Variants in HLF observed in about 807,000 individuals in gnomAD.
The protein encoded by HLF is HLF transcription factor, PAR bZIP family member, also known as hepatic leukemia factor.
In HLF, 3 loss-of-function variants were observed where a neutral mutation model predicts 22.6. The ratio of observed to expected loss-of-function variants is 0.13; its 90% CI spans 0.06 to 0.34. The LOEUF is 0.34. Among genes scored for constraint, HLF ranks in the 10% least tolerant of loss-of-function variants. The pLI, the probability that HLF is intolerant of heterozygous loss-of-function variation, is 1.00. For synonymous variants in HLF, 151 were observed against 151.8 expected (o/e 0.99, Z 0.04); for missense variants, 299 against 389.2 (o/e 0.77, Z 1.95).
intron 2 of HLF, among the ~76,000 whole-genome samples, chr17:55,291,198 G>A (rs529936398): frequency 6.6e-6 from 1 of 152,304 alleles, no homozygotes; most frequent in African/African-American, 2.4e-5. Flanking sequence ...ATTGATGAAG[G>A]TGGCTATACT....
rs1454929798 is a variant in HLF at position 55,321,365 on chromosome 17, A to T, written c.*486A>T. 2 of 239,392 alleles carry T rather than the reference A, an allele frequency of 8.4e-6. No individual in the cohort carries two copies. Among genetic ancestry groups the T allele is most frequent in the Non-Finnish European group, 1.6e-5 (2 of 121,300 alleles). 14.8% of individuals were successfully genotyped at this position (239,392 alleles called of 1,614,324 possible). On this transcript the variant is annotated 3_prime_UTR_variant, in exon 4 of 4. Transcript: ENST00000226067. ...GTTTAGTCCGTAAGTTACCATGCTA[A>T]TGAGGTGCACACAATAACTTAGCAC...
At chr17:55,312,920 GA>G (rs1460792757) in intron 2 of HLF, among the ~76,000 whole-genome samples, 2 of 152,008 alleles carry the variant, frequency 1.3e-5, no homozygotes, top group Admixed American at 1.3e-4. Flanking sequence ...GAAATGAAAG[GA>G]AAAAATGAGT....
rs1905419632 is a variant in HLF at position 55,325,105 on chromosome 17, T to G, written c.*4226T>G. On this transcript the variant is annotated 3_prime_UTR_variant, in exon 4 of 4. Transcript: ENST00000226067. ...ATTAACAGTTGGCTAGCAATGGTAT[T>G]CTGTTCCCACCTCGGTAGCAAAGAG... The G allele has an allele frequency of 5.2e-6, 1 of 194,130 alleles. No homozygotes were observed. Among genetic ancestry groups the G allele is most frequent in the Non-Finnish European group, 1.1e-5 (1 of 92,950 alleles). 12.0% of individuals were successfully genotyped at this position (194,130 alleles called of 1,614,324 possible). A position where few individuals can be genotyped will look rare whatever the true frequency, so the allele number is the denominator to read the frequency against.
chr17:55,308,712 CT>C (rs1904693456), intron 2 of HLF, among the ~76,000 whole-genome samples: 2 of 152,212 alleles, frequency 1.3e-5, no homozygotes, highest in Non-Finnish European at 2.9e-5. Flanking sequence ...TGTAAACACT[CT>C]CCCCCTATGC....
At chr17:55,293,803 G>A (rs1284074186) in intron 2 of HLF, among the ~76,000 whole-genome samples, 2 of 152,150 alleles carry the variant, frequency 1.3e-5, no homozygotes, top group Non-Finnish European at 2.9e-5. Flanking sequence ...GTGGAAGGTA[G>A]TAGAATGTCT....
intron 2 of HLF, among the ~76,000 whole-genome samples, chr17:55,270,785 C>T (rs541005411): frequency 2.6e-4 from 40 of 151,974 alleles, no homozygotes; most frequent in African/African-American, 6.8e-4. Flanking sequence ...CTCAGCCTCC[C>T]GTGTAGCGCC....
At position 55,268,057 on chromosome 17, in the gene HLF, C is replaced by T. The variant is rs776917251; in HGVS notation, c.422C>T (p.Pro141Leu). The T allele has an allele frequency of 3.1e-6, 5 of 1,589,350 alleles. No individual in the cohort carries two copies. Among genetic ancestry groups the T allele is most frequent in the Non-Finnish European group, 4.3e-6 (5 of 1,168,086 alleles). The change falls in exon 2 of 4, where the codon CCG (proline) becomes CTG (leucine). Residue 141 changes from proline to leucine, a missense_variant. Around this residue, in one of 3 missense-constraint regions of HLF, gnomAD observed 224 missense variants for 298.1 expected, o/e 0.75. Transcript: ENST00000226067. ...SAPLHPGIPS[P>L]NCMQSPIRPG... Reference sequence around the variant, plus strand: ...CCCCTTCACCCTGGCATCCCATCTCCGAACTGTATGCAGAGCCCCATCAGA... The same window carrying T: ...CCCCTTCACCCTGGCATCCCATCTCTGAACTGTATGCAGAGCCCCATCAGA...
chr17:55,308,342 T>C (rs577249368), intron 2 of HLF, among the ~76,000 whole-genome samples: 1 of 152,382 alleles, frequency 6.6e-6, no homozygotes, highest in South Asian at 2.1e-4. Flanking sequence ...TATGTGTTTA[T>C]ATAGAGACCA....
chr17:55,318,228 C>T (rs1332014000), intron 3 of HLF, among the ~76,000 whole-genome samples: 2 of 152,164 alleles, frequency 1.3e-5, no homozygotes, highest in Non-Finnish European at 2.9e-5. Flanking sequence ...CCGCTTCCCC[C>T]CTGCCCGCAA....
intron 2 of HLF, among the ~76,000 whole-genome samples, chr17:55,308,701 G>A (rs1425054611): frequency 1.3e-5 from 2 of 152,126 alleles, no homozygotes; most frequent in Admixed American, 1.3e-4. Flanking sequence ...GTTATTGTGG[G>A]TGTAAACACT....
chr17:55,272,068 G>A (rs542190577), intron 2 of HLF: 2 of 152,228 alleles, frequency 1.3e-5, no homozygotes, highest in African/African-American at 4.8e-5. Flanking sequence ...GGTTCTTGGA[G>A]GCCAGAGCTA....
At chr17:55,277,225 A>C (rs2080911249) in intron 2 of HLF, among the ~76,000 whole-genome samples, 1 of 129,580 alleles carries the variant, frequency 7.7e-6, no homozygotes, top group African/African-American at 3.0e-5. Flanking sequence ...AGTATATTGA[A>C]CCAGATGTTA....
rs1175060171 is a variant in HLF, at chr17:55,321,035, G to T, written c.*156G>T. The T allele has an allele frequency of 6.4e-6, 4 of 627,648 alleles. No homozygotes were observed. The Admixed American group carries it at 1.1e-4, about 17-fold the overall frequency. The allele number at this position is 627,648 out of a possible 1,614,324, so 38.9% of individuals were successfully genotyped here. On this transcript the variant is annotated 3_prime_UTR_variant, in exon 4 of 4. Coordinates refer to ENST00000226067, the MANE Select transcript of HLF (RefSeq NM_002126.5). ...GGTGTGCATCTGTGTGTGTGTGCGT[G>T]TATATGTGCTTGTGCTCATGTGTGT...
Position 55,267,870 on chromosome 17 carries a change from G to C in HLF, c.235G>C (p.Asp79His). 1 of 1,614,136 alleles carries C rather than the reference G, an allele frequency of 6.2e-7. No individual in the cohort carries two copies. The highest frequency in any genetic ancestry group is 8.5e-7 in the Non-Finnish European group (1 of 1,180,014). Reference protein sequence around the residue: ...LWDKTLPYDGDTFQLEYMDLE... With the variant: ...LWDKTLPYDGHTFQLEYMDLE... The stretch of plus-strand genomic sequence containing the variant: ...GGACAAAACCCTTCCCTATGACGGA[G>C]ATACTTTCCAGTTGGAATACATGGA... Residue 79 changes from aspartate to histidine, a missense_variant, in exon 2 of 4, where the codon GAT (aspartate) becomes CAT (histidine). Around this residue, in one of 3 missense-constraint regions of HLF, gnomAD observed 224 missense variants for 298.1 expected, o/e 0.75. Coordinates refer to ENST00000226067, the MANE Select transcript of HLF (RefSeq NM_002126.5).
chr17:55,272,220 G>T (rs1410509250), intron 2 of HLF: 1 of 152,302 alleles, frequency 6.6e-6, no homozygotes, highest in Non-Finnish European at 1.5e-5. Context: ...CTCTCCTGGA[G>T]GGACGAATAT....
In HLF at chr17:55,270,846, T is replaced by G. The variant is rs1273178066; in HGVS notation, c.451+2760T>G. 3.3e-5 allele frequency among the ~76,000 whole-genome samples: 5 copies of G among 151,984 alleles called. No homozygotes were observed. In the South Asian group the frequency reaches 6.3e-4, roughly 19 times the overall value. ...TTTAGTAGAGACGGGGTTTCACCGT[T>G]TTAGCCGGGATGGTCTCGATCGCCT... On this transcript the variant is annotated intron_variant, in intron 2 of 3. Transcript: ENST00000226067.
rs60023059 is a variant in HLF at position 55,277,241 on chromosome 17, A to ATG, written c.451+9188_451+9189dup. ...GTATATTGAACCAGATGTTATGTGT[A>ATG]TGTGTGTGTGTGTGTGTGTGTGTGT... is the stretch of plus-strand genomic sequence containing the variant. On this transcript the variant is annotated intron_variant, in intron 2 of 3. Transcript: ENST00000226067. 7.0e-3 allele frequency among the ~76,000 whole-genome samples: 714 copies of ATG among 101,820 alleles called. 3 individuals carry two copies. Among genetic ancestry groups the ATG allele is most frequent in the South Asian group, 0.011 (33 of 2,870 alleles). The allele number at this position is 101,820 out of a possible 152,430, so 66.8% of individuals were successfully genotyped here.
intron 2 of HLF, chr17:55,288,803 G>T: frequency 2.7e-6 from 1 of 368,670 alleles, no homozygotes; most frequent in Non-Finnish European, 3.8e-6. Context: ...AATGAAGAGT[G>T]TTTTCAGAGA....
intron 2 of HLF, chr17:55,288,983 G>A: frequency 1.0e-6 from 1 of 973,594 alleles, no homozygotes; most frequent in South Asian, 4.8e-5. Flanking sequence ...TTTTTAACTG[G>A]GTAAGTAGAG....
Sources: allele counts gnomAD v4.1 joint callset (sites outside exome capture counted in the v4.1 genomes callset), GRCh38; gene constraint gnomAD v4.1.1; regional missense constraint gnomAD v4.1.1; transcripts MANE v1.5; gene names NCBI Gene and HGNC (gene_info 2026-07-23, HGNC 2026-07-21).